The following PALS1 variants were observed in gnomAD, a reference collection of about 807,000 sequenced individuals.
PALS1 encodes the protein protein PALS1.
A neutral mutation model predicts 78.9 loss-of-function variants in PALS1; 31 were observed. The observed-to-expected ratio is 0.39, with a 90% CI of 0.30 to 0.53. PALS1 has a LOEUF of 0.53. Among genes scored for constraint, PALS1 ranks in the 20% least tolerant of loss-of-function variants. PALS1 has a pLI of 0.67. For synonymous variants in PALS1, 276 were observed against 270.9 expected (o/e 1.02, Z -0.18); for missense variants, 704 against 826.5 (o/e 0.85, Z 1.82).
intron 2 of PALS1, among the ~76,000 whole-genome samples, chr14:67,278,367 G>A (rs1384116409): frequency 2.0e-5 from 3 of 150,152 alleles, no homozygotes; most frequent in Non-Finnish European, 3.0e-5. Context: ...AATGGGACCA[G>A]TTATAAAGAC....
chr14:67,292,720 G>T lies in PALS1; in HGVS notation c.576+1G>T. 1 of 1,612,062 alleles carries T rather than the reference G, an allele frequency of 6.2e-7. No homozygotes were observed. Among genetic ancestry groups the T allele is most frequent in the South Asian group, 1.1e-5 (1 of 90,916 alleles). On this transcript the variant is annotated splice_donor_variant, in intron 4 of 14. Transcript: ENST00000261681. LOFTEE classifies it high-confidence loss of function. ...CAACGCACAAGATCTTGCTCAAGAG[G>T]TATGTATTCTAAACATCTTGTTGAT...
Position 67,302,115 on chromosome 14 carries a change from G to A in PALS1, c.798G>A (p.Pro266=), listed in dbSNP as rs772998328. 9.4e-6 allele frequency: 15 copies of A among 1,599,552 alleles called. No individual in the cohort carries two copies. The highest frequency in any genetic ancestry group is 1.1e-5 in the South Asian group (1 of 88,596). ...IVRIEKARDI[P]LGATVRNEMD... is the part of the protein sequence containing the mutation. The stretch of plus-strand genomic sequence containing the variant: ...GTATAGAAAAGGCTCGTGATATTCC[G>A]TTGGTAAGTGTCCCACATACTGTTT... The change falls in exon 6 of 15, where the codon CCG becomes CCA. Residue 266 remains proline, a synonymous_variant. Transcript: ENST00000261681.
intron 3 of PALS1, among the ~76,000 whole-genome samples, chr14:67,288,594 C>T (rs899810732): frequency 1.3e-5 from 2 of 152,202 alleles, no homozygotes; most frequent in Admixed American, 6.5e-5. Context: ...CAAAGCTTAA[C>T]TGCTTTGTTG....
intron 2 of PALS1, among the ~76,000 whole-genome samples, chr14:67,278,052 T>C (rs2140664243): frequency 6.6e-6 from 1 of 151,890 alleles, no homozygotes. Context: ...TTTTTTTTTT[T>C]TTGAGATGGA....
chr14:67,300,760 T>G (rs1436741793), intron 4 of PALS1, among the ~76,000 whole-genome samples: 1 of 152,180 alleles, frequency 6.6e-6, no homozygotes, highest in East Asian at 1.9e-4. Context: ...TTCTCGACTG[T>G]GGGAAATTTA....
intron 1 of PALS1, among the ~76,000 whole-genome samples, chr14:67,253,590 A>G (rs1368471316): frequency 6.6e-6 from 1 of 152,174 alleles, no homozygotes; most frequent in Non-Finnish European, 1.5e-5. Context: ...TATGCCTGTA[A>G]TCCCAGCACT....
chr14:67,326,604 T>C lies in PALS1; in HGVS notation c.1851+2792T>C, dbSNP rs150198551. ...AACATTTCTATCACTCTAGATAGTT[T>C]TCTTATGCCCCTTTGAAGTTAATAC... On this transcript the variant is annotated intron_variant, in intron 14 of 14. Coordinates refer to ENST00000261681, the MANE Select transcript of PALS1 (RefSeq NM_022474.4). Among the ~76,000 whole-genome samples the C allele has an allele frequency of 1.9e-4, 29 of 152,264 alleles. No homozygotes were observed. The East Asian group carries it at 5.2e-3, about 27-fold the overall frequency.
At chr14:67,244,483 A>C (rs1405064482) in intron 1 of PALS1, among the ~76,000 whole-genome samples, 4 of 152,234 alleles carry the variant, frequency 2.6e-5, no homozygotes, top group Admixed American at 6.5e-5. Flanking sequence ...TTCTTTAAAA[A>C]ATATTTAACT....
At chr14:67,257,925 G>A (rs977473154) in intron 1 of PALS1, among the ~76,000 whole-genome samples, 6 of 152,076 alleles carry the variant, frequency 3.9e-5, no homozygotes, top group Non-Finnish European at 7.4e-5. Context: ...CTTATATGGA[G>A]TGTGTAAAAA....
At chr14:67,252,796 T>A (rs1379870470) in intron 1 of PALS1, among the ~76,000 whole-genome samples, 1 of 152,226 alleles carries the variant, frequency 6.6e-6, no homozygotes, top group Non-Finnish European at 1.5e-5. Context: ...GTTTAAACTT[T>A]AGCCTTGCTG....
At chr14:67,258,508 C>G (rs990216950) in intron 1 of PALS1, among the ~76,000 whole-genome samples, 1 of 152,150 alleles carries the variant, frequency 6.6e-6, no homozygotes, top group African/African-American at 2.4e-5. Flanking sequence ...GCAGCCTTGA[C>G]CTCCCCAGGC....
At chr14:67,264,820 C>T (rs559518039) in intron 1 of PALS1, among the ~76,000 whole-genome samples, 3 of 152,130 alleles carry the variant, frequency 2.0e-5, no homozygotes, top group South Asian at 2.1e-4. Flanking sequence ...TATATATATG[C>T]TTTTTGCCAG....
In PALS1 at chr14:67,335,780, A is replaced by AAAAT. The variant is rs1433004581; in HGVS notation, c.*2828_*2831dup. 2 of 152,582 alleles carry AAAAT rather than the reference A, an allele frequency of 1.3e-5. No homozygotes were observed. The highest frequency in any genetic ancestry group is 1.3e-4 in the Admixed American group (2 of 15,272). 9.5% of individuals were successfully genotyped at this position (152,582 alleles called of 1,614,324 possible). A position where few individuals can be genotyped will look rare whatever the true frequency, so the allele number is the denominator to read the frequency against. On this transcript the variant is annotated 3_prime_UTR_variant, in exon 15 of 15. Transcript: ENST00000261681. ...ATGTCATACTGTACACTGTATTGTAAAAATAAAAAGTAAAATTATATTTCA... is the reference window on the plus strand; with the variant it reads ...ATGTCATACTGTACACTGTATTGTAAAAATAAATAAAAAGTAAAATTATATTTCA...
chr14:67,317,165 AAG>A (rs1435632978), intron 10 of PALS1, among the ~76,000 whole-genome samples: 1 of 152,228 alleles, frequency 6.6e-6, no homozygotes, highest in African/African-American at 2.4e-5. Flanking sequence ...GTATTTATAA[AAG>A]TAAATTAAAA....
At chr14:67,308,503 C>A (rs1471859494) in intron 8 of PALS1, among the ~76,000 whole-genome samples, 1 of 151,254 alleles carries the variant, frequency 6.6e-6, no homozygotes, top group African/African-American at 2.4e-5. Context: ...GAATATAGAT[C>A]CTGAGTTTTA....
chr14:67,293,308 T>C (rs1425248789), intron 4 of PALS1, among the ~76,000 whole-genome samples: 1 of 152,190 alleles, frequency 6.6e-6, no homozygotes, highest in Non-Finnish European at 1.5e-5. Context: ...AAAAAGGGTA[T>C]AAATAAACTC....
chr14:67,253,923 G>T, intron 1 of PALS1, among the ~76,000 whole-genome samples: 1 of 146,116 alleles, frequency 6.8e-6, no homozygotes, highest in African/African-American at 2.6e-5. Flanking sequence ...TAGAGCATTT[G>T]TTTACTGATA....
chr14:67,312,885 G>A (rs1405855486), intron 9 of PALS1, among the ~76,000 whole-genome samples, 175 bp downstream of exon 9: 4 of 152,176 alleles, frequency 2.6e-5, no homozygotes, highest in Middle Eastern at 3.4e-3. Flanking sequence ...AATAGAATGT[G>A]GCCAATTCTT....
intron 3 of PALS1, among the ~76,000 whole-genome samples, chr14:67,284,438 A>AAAAAAAAACAAAAAAAAC (rs1329419021): frequency 6.9e-6 from 1 of 145,720 alleles, no homozygotes; most frequent in Non-Finnish European, 1.5e-5. Flanking sequence ...TTAAAAAAAA[A>AAAAAAAAACAAAAAAAAC]AAAAAACAGC....
Sources: allele counts gnomAD v4.1 joint callset (sites outside exome capture counted in the v4.1 genomes callset), GRCh38; gene constraint gnomAD v4.1.1; transcripts MANE v1.5; gene names NCBI Gene and HGNC (gene_info 2026-07-23, HGNC 2026-07-21).